The following NHSL1 variants were observed in gnomAD, a reference collection of about 807,000 sequenced individuals.
NHSL1 encodes NHS like 1.
NHSL1 carries 48 observed loss-of-function variants against 95.0 expected under a neutral mutation model. That is an observed-to-expected ratio of 0.51 (90% CI 0.40 to 0.64). The LOEUF (loss-of-function observed/expected upper bound fraction) is 0.64. Among genes scored for constraint, NHSL1 ranks in the 30% least tolerant of loss-of-function variants. NHSL1 has a pLI of 0.00. For synonymous variants in NHSL1, 783 were observed against 833.9 expected (o/e 0.94, Z 1.05); for missense variants, 1,971 against 2,077.7 (o/e 0.95, Z 1.00).
chr6:138,445,663 TG>T lies in NHSL1; in HGVS notation c.532+1337del, dbSNP rs145481895. Among the ~76,000 whole-genome samples the T allele has an allele frequency of 6.1e-3, 929 of 152,336 alleles. 5 individuals are homozygous for T. Among genetic ancestry groups the T allele is most frequent in the African/African-American group, 0.02 (852 of 41,578 alleles). On this transcript the variant is annotated intron_variant, in intron 4 of 7. Transcript: ENST00000343505. ...GTAAGGTTTTAAAAAAAATCTTCGGTGACTATGAAAATGCTATTAGCCCCTT... is the reference window on the plus strand; with the variant it reads ...GTAAGGTTTTAAAAAAAATCTTCGGTACTATGAAAATGCTATTAGCCCCTT...
At chr6:138,513,423 C>A (rs1027735403) in intron 1 of NHSL1, among the ~76,000 whole-genome samples, 2 of 151,984 alleles carry the variant, frequency 1.3e-5, no homozygotes, top group Admixed American at 1.3e-4. Context: ...GTCACCCAGG[C>A]TAGAGTGCAG....
intron 1 of NHSL1, among the ~76,000 whole-genome samples, chr6:138,571,158 A>C: frequency 6.6e-6 from 1 of 152,220 alleles, no homozygotes; most frequent in East Asian, 1.9e-4. Context: ...AGAAAGAAAA[A>C]AAAAATCCAG....
chr6:138,566,544 T>G (rs1783624508), intron 1 of NHSL1, among the ~76,000 whole-genome samples: 1 of 151,666 alleles, frequency 6.6e-6, no homozygotes, highest in Admixed American at 6.6e-5. Context: ...GCCCTGACAA[T>G]AAGTTGCTTC....
chr6:138,487,585 C>A (rs139708676), intron 2 of NHSL1, among the ~76,000 whole-genome samples: 97 of 152,310 alleles, frequency 6.4e-4, no homozygotes, highest in Non-Finnish European at 1.2e-3. Context: ...GTTAACTTCA[C>A]ACATATTACC....
At chr6:138,466,028 A>G (rs796678490) in intron 3 of NHSL1, among the ~76,000 whole-genome samples, 11 of 129,498 alleles carry the variant, frequency 8.5e-5, no homozygotes, top group African/African-American at 3.3e-4. Flanking sequence ...CTGGCCCCAC[A>G]TACACTCCTT....
At chr6:138,478,253 T>C (rs1279569172) in intron 2 of NHSL1, among the ~76,000 whole-genome samples, 5 of 151,984 alleles carry the variant, frequency 3.3e-5, no homozygotes, top group East Asian at 3.9e-4. Context: ...AGTGCTGGGA[T>C]TACAAGTGTG....
chr6:138,564,854 C>T (rs551846871), intron 1 of NHSL1, among the ~76,000 whole-genome samples: 8 of 152,074 alleles, frequency 5.3e-5, no homozygotes, highest in Non-Finnish European at 1.0e-4. Flanking sequence ...AGTTTTAAAG[C>T]GAGTCTAGAA....
At chr6:138,673,194 TATG>T (rs1049672252) in intron 1 of NHSL1, among the ~76,000 whole-genome samples, 20 of 152,258 alleles carry the variant, frequency 1.3e-4, no homozygotes, top group African/African-American at 4.8e-4. Flanking sequence ...GTAAAAACTG[TATG>T]ATATTTTCTA....
chr6:138,539,544 A>G (rs180954213), intron 1 of NHSL1, among the ~76,000 whole-genome samples: 33 of 152,310 alleles, frequency 2.2e-4, no homozygotes, highest in Non-Finnish European at 3.5e-4. Flanking sequence ...TGCTCCCCCA[A>G]TGAGCCATCA....
chr6:138,511,383 TGAGAGA>T (rs145173760), intron 1 of NHSL1, among the ~76,000 whole-genome samples: 5 of 150,174 alleles, frequency 3.3e-5, no homozygotes, highest in East Asian at 2.0e-4. Context: ...AAAAAACCAC[TGAGAGA>T]GAGAGAGAGA....
At chr6:138,589,785 C>T (rs1289702397) in intron 1 of NHSL1, among the ~76,000 whole-genome samples, 1 of 152,146 alleles carries the variant, frequency 6.6e-6, no homozygotes, top group South Asian at 2.1e-4. Context: ...CAGCAAATCG[C>T]CTCTCCTCAG....
At chr6:138,568,492 A>C (rs1783703244) in intron 1 of NHSL1, among the ~76,000 whole-genome samples, 1 of 152,222 alleles carries the variant, frequency 6.6e-6, no homozygotes, top group Admixed American at 6.5e-5. Flanking sequence ...TGTATGGCTA[A>C]TTAAGTCAAA....
intron 1 of NHSL1, among the ~76,000 whole-genome samples, chr6:138,591,769 C>T (rs1784231799): frequency 6.6e-6 from 1 of 152,100 alleles, no homozygotes; most frequent in Non-Finnish European, 1.5e-5. Context: ...TTCTAAGTCG[C>T]GTGATGAAAT....
chr6:138,469,630 C>T (rs1353522360), intron 3 of NHSL1, among the ~76,000 whole-genome samples: 4 of 152,074 alleles, frequency 2.6e-5, no homozygotes, highest in African/African-American at 9.7e-5. Flanking sequence ...GAGGCTGAGG[C>T]AGGAGGATCA....
intron 3 of NHSL1, among the ~76,000 whole-genome samples, chr6:138,472,443 T>A (rs1038545880): frequency 3.3e-5 from 5 of 152,052 alleles, no homozygotes; most frequent in Non-Finnish European, 7.4e-5. Context: ...ACTATTATTT[T>A]ATTCTCTGAA....
chr6:138,512,376 G>C, intron 1 of NHSL1: 1 of 448,220 alleles, frequency 2.2e-6, no homozygotes, highest in Admixed American at 2.5e-5. Context: ...TGGAGAACTC[G>C]TTCCGGCACG....
intron 1 of NHSL1, among the ~76,000 whole-genome samples, chr6:138,627,635 G>A (rs1784759947): frequency 6.6e-6 from 1 of 152,182 alleles, no homozygotes; most frequent in Non-Finnish European, 1.5e-5. Flanking sequence ...TGTAATCCCA[G>A]CACTTTGGGA....
At chr6:138,580,415 G>A (rs1451477704) in intron 1 of NHSL1, among the ~76,000 whole-genome samples, 2 of 152,196 alleles carry the variant, frequency 1.3e-5, no homozygotes, top group African/African-American at 4.8e-5. Flanking sequence ...TCTTCGGGAT[G>A]AGATGTACTC....
At chr6:138,570,292 G>A (rs986888140) in intron 1 of NHSL1, among the ~76,000 whole-genome samples, 5 of 152,168 alleles carry the variant, frequency 3.3e-5, no homozygotes, top group Admixed American at 1.3e-4. Context: ...ACCCTCCTGC[G>A]ACCACAGCAC....
Sources: allele counts gnomAD v4.1 joint callset (sites outside exome capture counted in the v4.1 genomes callset), GRCh38; gene constraint gnomAD v4.1.1; transcripts MANE v1.5; gene names NCBI Gene and HGNC (gene_info 2026-07-23, HGNC 2026-07-21).